STRN: variants seen among roughly 807,000 people sequenced by gnomAD.
The protein encoded by STRN is striatin.
STRN carries 53 observed loss-of-function variants against 96.3 expected under a neutral mutation model. The observed-to-expected ratio is 0.55, with a 90% CI of 0.44 to 0.69. STRN has a LOEUF of 0.69. Ranked by LOEUF, STRN falls within the 30% of genes least tolerant of loss-of-function variation. The pLI, the probability that STRN is intolerant of heterozygous loss-of-function variation, is 0.00. For synonymous variants in STRN, 428 were observed against 355.9 expected, an observed-to-expected ratio of 1.20 and a Z score of -2.28; for missense variants, 987 against 963.9, an observed-to-expected ratio of 1.02 and a Z score of -0.32.
At chr2:36,873,916 C>G (rs1355899803) in intron 10 of STRN, among the ~76,000 whole-genome samples, 1 of 144,584 alleles carries the variant, frequency 6.9e-6, no homozygotes, top group African/African-American at 2.6e-5. Flanking sequence ...GCACTCCAGT[C>G]TGGCGACAAA....
chr2:36,940,476 T>A (rs1368941888), intron 1 of STRN, among the ~76,000 whole-genome samples: 1 of 152,020 alleles, frequency 6.6e-6, no homozygotes, highest in Non-Finnish European at 1.5e-5. Flanking sequence ...TGAGTAAAAG[T>A]TTCCTGTATT....
chr2:36,887,075 ACACACACACACG>A (rs1452451536), intron 7 of STRN, among the ~76,000 whole-genome samples: 1 of 71,708 alleles, frequency 1.4e-5, no homozygotes, highest in Non-Finnish European at 3.6e-5. Flanking sequence ...ACACACACAC[ACACACACACACG>A]GAAGATTTTA....
intron 1 of STRN, among the ~76,000 whole-genome samples, chr2:36,929,129 A>T (rs1670501013): frequency 6.6e-6 from 1 of 152,182 alleles, no homozygotes. Context: ...TATTTTTCAC[A>T]GTATAGAAAA....
intron 1 of STRN, among the ~76,000 whole-genome samples, chr2:36,931,314 G>A (rs973397779): frequency 7.2e-5 from 11 of 152,024 alleles, no homozygotes; most frequent in Non-Finnish European, 1.5e-4. Context: ...TCACATGTTT[G>A]GGAAATACCT....
chr2:36,846,511 ATCT>A lies in STRN; in HGVS notation c.*2942_*2944del, dbSNP rs1358392083. 6.8e-6 allele frequency: 1 copy of A among 146,058 alleles called. No homozygotes were observed. Among genetic ancestry groups the A allele is most frequent in the Non-Finnish European group, 1.5e-5 (1 of 66,986 alleles). 9.0% of individuals were successfully genotyped at this position (146,058 alleles called of 1,614,324 possible). On this transcript the variant is annotated 3_prime_UTR_variant, in exon 18 of 18. Coordinates refer to ENST00000263918, the MANE Select transcript of STRN (RefSeq NM_003162.4). ...ATACATTTTAGACATTTTCAAATAA[ATCT>A]TCATCATTATCTCCAAAAGAAATTT... is the stretch of plus-strand genomic sequence containing the variant.
chr2:36,936,172 C>T (rs1358105427), intron 1 of STRN, among the ~76,000 whole-genome samples: 1 of 152,122 alleles, frequency 6.6e-6, no homozygotes, highest in East Asian at 1.9e-4. Flanking sequence ...TTCCTGCTTG[C>T]TTATGTTCCT....
At chr2:36,962,233 T>G (rs1002167982) in intron 1 of STRN, among the ~76,000 whole-genome samples, 1 of 152,066 alleles carries the variant, frequency 6.6e-6, no homozygotes, top group Admixed American at 6.6e-5. Flanking sequence ...AAAATACAAG[T>G]TATTAATGCC....
At chr2:36,960,725 CCA>C (rs1665009486) in intron 1 of STRN, among the ~76,000 whole-genome samples, 1 of 151,972 alleles carries the variant, frequency 6.6e-6, no homozygotes, top group Non-Finnish European at 1.5e-5. Flanking sequence ...AATTTTAAAC[CCA>C]GGTCTCTGCC....
chr2:36,887,312 A>ATAC (rs1669264556), intron 7 of STRN, among the ~76,000 whole-genome samples: 1 of 148,066 alleles, frequency 6.8e-6, no homozygotes, highest in African/African-American at 2.5e-5. Context: ...TAAATAAATA[A>ATAC]ATACAAAATT....
chr2:36,868,623 T>C lies in STRN; in HGVS notation c.1500-762A>G, dbSNP rs374201425. ...TTTTCTCTTCTGAAAACACCTAATC[T>C]ATGTGAAAGTCCATCTGGTTTTAGC... On this transcript the variant is annotated intron_variant, in intron 11 of 17. Transcript: ENST00000263918. 6.6e-5 allele frequency among the ~76,000 whole-genome samples: 10 copies of C among 152,330 alleles called. No homozygotes were observed. The East Asian group carries it at 1.7e-3, about 26-fold the overall frequency.
In STRN at chr2:36,966,275, G is replaced by A. The variant is rs776362711; in HGVS notation, c.189C>T (p.Phe63=). Residue 63 remains phenylalanine, a synonymous_variant, in exon 1 of 18, where the codon TTC becomes TTT. Coordinates refer to ENST00000263918, the MANE Select transcript of STRN (RefSeq NM_003162.4). ...CCTCCCACTGGGCTCTCTCCACCTC[G>A]AAGCGGGCCCACTCGTGCTGCAGGA... ...LHFLQHEWAR[F]EVERAQWEVE... 1.9e-6 allele frequency: 3 copies of A among 1,587,296 alleles called. No individual in the cohort carries two copies. The highest frequency in any genetic ancestry group is 8.6e-7 in the Non-Finnish European group (1 of 1,169,080).
chr2:36,861,140 T>A lies in STRN; in HGVS notation c.1661A>T (p.Asp554Val), dbSNP rs753904758. ...TTTGGGAAATCACCTACCATAAGAA[T>A]CATAGGGGTCGATGTTGGGATTAGT... ...NTTNPNIDPY[D>V]SYDPSVLRGP... Residue 554 changes from aspartate to valine, a missense_variant, in exon 13 of 18, where the codon GAT becomes GTT. Asp to Val is a radical substitution (Grantham distance 152). Coordinates refer to ENST00000263918, the MANE Select transcript of STRN (RefSeq NM_003162.4). 1.9e-6 allele frequency: 3 copies of A among 1,613,958 alleles called. No homozygotes were observed. Among genetic ancestry groups the A allele is most frequent in the Non-Finnish European group, 8.5e-7 (1 of 1,179,942 alleles).
At chr2:36,966,175 G>A (rs923999174) in intron 1 of STRN, 55 bp downstream of exon 1, 6 of 1,443,078 alleles carry the variant, frequency 4.2e-6, no homozygotes, top group Non-Finnish European at 5.5e-6. Context: ...TCCGGGGCGG[G>A]GCGGAAGGGA....
intron 16 of STRN, among the ~76,000 whole-genome samples, chr2:36,850,494 T>C (rs548712251): frequency 3.3e-5 from 5 of 152,246 alleles, no homozygotes; most frequent in African/African-American, 1.2e-4. Context: ...CAGAAAAGAT[T>C]AGTCTATGGA....
intron 9 of STRN, among the ~76,000 whole-genome samples, chr2:36,879,075 T>A (rs2300476): frequency 6.6e-6 from 1 of 150,558 alleles, no homozygotes; most frequent in East Asian, 2.0e-4. Context: ...TGTTTATTTG[T>A]TTTTTTTGTT....
intron 1 of STRN, among the ~76,000 whole-genome samples, chr2:36,938,546 G>A (rs1572688787): frequency 6.6e-6 from 1 of 152,126 alleles, no homozygotes; most frequent in Non-Finnish European, 1.5e-5. Flanking sequence ...CACTTACTGG[G>A]TAAGTAAGTA....
At chr2:36,849,940 C>T in intron 16 of STRN, 140 bp from the exon 17 acceptor site, 1 of 767,166 alleles carries the variant, frequency 1.3e-6, no homozygotes, top group South Asian at 1.8e-5. Flanking sequence ...TCACCTAAAA[C>T]AACATGTCTC....
At chr2:36,950,880 C>G (rs1294048697) in intron 1 of STRN, among the ~76,000 whole-genome samples, 2 of 152,090 alleles carry the variant, frequency 1.3e-5, no homozygotes, top group Non-Finnish European at 2.9e-5. Flanking sequence ...GGCTCAGAGA[C>G]AAGATTACAG....
At chr2:36,956,583 T>C (rs879718744) in intron 1 of STRN, among the ~76,000 whole-genome samples, 9 of 152,218 alleles carry the variant, frequency 5.9e-5, no homozygotes, top group Non-Finnish European at 1.3e-4. Context: ...ATCAAGGAGA[T>C]AGCAGGTGGG....
Sources: gnomAD v4.1 joint callset for allele counts (sites outside exome capture counted in the v4.1 genomes callset) on GRCh38, gnomAD v4.1.1 for gene constraint, MANE v1.5 for transcripts, NCBI Gene and HGNC (gene_info 2026-07-23, HGNC 2026-07-21) for gene names.